Variants in PDSS2 observed in about 807,000 individuals in gnomAD.
The protein encoded by PDSS2 is all trans-polyprenyl-diphosphate synthase PDSS2.
Under a neutral mutation model 44.5 loss-of-function variants are expected in PDSS2, and 31 were observed. The observed-to-expected ratio is 0.70, with a 90% CI of 0.52 to 0.94. PDSS2 has a LOEUF of 0.94. PDSS2 is among the 40% of genes least tolerant of loss of function. The pLI, the probability that PDSS2 is intolerant of heterozygous loss-of-function variation, is 0.00. For missense variants in PDSS2, 452 were observed against 482.2 expected (o/e 0.94, Z 0.59); for synonymous variants, 157 against 180.3 (o/e 0.87, Z 1.03).
intron 7 of PDSS2, among the ~76,000 whole-genome samples, chr6:107,190,570 G>T (rs1772337050): frequency 6.6e-6 from 1 of 152,194 alleles, no homozygotes; most frequent in African/African-American, 2.4e-5. Flanking sequence ...CAGTGACTGA[G>T]AAATGCACAG....
At position 107,459,303 on chromosome 6, in the gene PDSS2, G is replaced by A. The variant is rs764983666; in HGVS notation, c.-18C>T. ...AAGTTCATGGTTTGAGTCTGGAAGG[G>A]TCTGGGACCTGGGGGTATCCAGAAG... is the stretch of plus-strand genomic sequence containing the variant. On this transcript the variant is annotated 5_prime_UTR_variant, in exon 1 of 8. Transcript: ENST00000369037. The surrounding 1 kb of genome is among the most constrained non-coding windows in gnomAD (Gnocchi z 4.3). 1 of 1,612,148 alleles carries A rather than the reference G, an allele frequency of 6.2e-7. No homozygotes were observed.
intron 7 of PDSS2, among the ~76,000 whole-genome samples, chr6:107,169,078 A>G (rs1285444149): frequency 2.6e-5 from 4 of 151,946 alleles, no homozygotes; most frequent in African/African-American, 9.6e-5. Flanking sequence ...GTGTTTTCCA[A>G]CTTGGTTCCA....
chr6:107,374,068 A>G (rs555653166), intron 1 of PDSS2, among the ~76,000 whole-genome samples: 106 of 152,198 alleles, frequency 7.0e-4, no homozygotes, highest in Non-Finnish European at 1.3e-3. Flanking sequence ...CAGCCTGGTC[A>G]ATATGGTGAA....
At chr6:107,172,808 G>A (rs1771628798) in intron 7 of PDSS2, among the ~76,000 whole-genome samples, 1 of 150,128 alleles carries the variant, frequency 6.7e-6, no homozygotes, top group Non-Finnish European at 1.5e-5. Context: ...TTAAAATGTG[G>A]CCACTTGGCT....
chr6:107,286,323 C>T (rs1562435858), intron 2 of PDSS2, among the ~76,000 whole-genome samples: 1 of 151,244 alleles, frequency 6.6e-6, no homozygotes, highest in Non-Finnish European at 1.5e-5. Flanking sequence ...GCCTGGCCAA[C>T]ATGGTGAAAC....
At chr6:107,388,184 T>G (rs1317946749) in intron 1 of PDSS2, among the ~76,000 whole-genome samples, 1 of 152,130 alleles carries the variant, frequency 6.6e-6, no homozygotes, top group African/African-American at 2.4e-5. Context: ...GTATACTTAG[T>G]AGAGCATAAG....
At chr6:107,319,044 T>TAC (rs1184247602) in intron 2 of PDSS2, among the ~76,000 whole-genome samples, 2 of 150,430 alleles carry the variant, frequency 1.3e-5, no homozygotes, top group South Asian at 2.1e-4. Context: ...ACACACACAC[T>TAC]ACACACACAC....
chr6:107,190,984 T>G (rs530161645), intron 7 of PDSS2, among the ~76,000 whole-genome samples: 1 of 152,020 alleles, frequency 6.6e-6, no homozygotes, highest in South Asian at 2.1e-4. Context: ...CTCCGCCTCC[T>G]GGGTTCACAC....
At chr6:107,294,636 C>T (rs1449236130) in intron 2 of PDSS2, among the ~76,000 whole-genome samples, 1 of 152,082 alleles carries the variant, frequency 6.6e-6, no homozygotes, top group African/African-American at 2.4e-5. Flanking sequence ...CATACTATGT[C>T]CCAGATATTC....
intron 1 of PDSS2, among the ~76,000 whole-genome samples, chr6:107,440,755 A>G (rs1198033619): frequency 6.6e-6 from 1 of 152,244 alleles, no homozygotes; most frequent in East Asian, 1.9e-4. Flanking sequence ...CAAAGAGAGT[A>G]TCTGAATACT....
At chr6:107,163,737 G>A (rs1380590665) in intron 7 of PDSS2, among the ~76,000 whole-genome samples, 2 of 151,936 alleles carry the variant, frequency 1.3e-5, no homozygotes, top group Non-Finnish European at 2.9e-5. Context: ...TGGGTAGGTG[G>A]GATTACAGGT....
intron 1 of PDSS2, among the ~76,000 whole-genome samples, chr6:107,350,913 A>AT (rs1316001607): frequency 1.3e-5 from 2 of 152,220 alleles, no homozygotes; most frequent in Non-Finnish European, 2.9e-5. Flanking sequence ...TTAGTGAAAT[A>AT]ATAAAGGCCA....
chr6:107,193,506 A>G (rs1772451200), intron 7 of PDSS2, among the ~76,000 whole-genome samples: 1 of 152,090 alleles, frequency 6.6e-6, no homozygotes, highest in African/African-American at 2.4e-5. Context: ...GACACTTGAC[A>G]TTATTTATTT....
intron 1 of PDSS2, 62 bp from the exon 2 acceptor site, chr6:107,334,394 GA>G: frequency 6.8e-7 from 1 of 1,473,556 alleles, no homozygotes; most frequent in Non-Finnish European, 9.5e-7. Context: ...AGATAACTTA[GA>G]AAACTGCTAC....
intron 7 of PDSS2, among the ~76,000 whole-genome samples, chr6:107,187,542 A>G (rs1157509717): frequency 1.3e-5 from 2 of 152,054 alleles, no homozygotes; most frequent in African/African-American, 4.8e-5. Flanking sequence ...GCGCATGCCT[A>G]TAATCCCAGC....
chr6:107,235,718 C>G (rs1287826365), intron 4 of PDSS2, among the ~76,000 whole-genome samples: 3 of 152,100 alleles, frequency 2.0e-5, no homozygotes, highest in Non-Finnish European at 1.5e-5. Context: ...AGAAAAAAAT[C>G]AGTCAATTGA....
At chr6:107,307,276 A>C (rs1302743368) in intron 2 of PDSS2, among the ~76,000 whole-genome samples, 1 of 152,214 alleles carries the variant, frequency 6.6e-6, no homozygotes, top group Admixed American at 6.5e-5. Flanking sequence ...AAGGACCTTA[A>C]AGCCTGGCAT....
At chr6:107,443,164 T>C (rs1781560904) in intron 1 of PDSS2, among the ~76,000 whole-genome samples, 1 of 152,164 alleles carries the variant, frequency 6.6e-6, no homozygotes, top group Non-Finnish European at 1.5e-5. Flanking sequence ...AAAGAAGAAA[T>C]GAATAAACCA....
chr6:107,343,342 C>T (rs961880657), intron 1 of PDSS2, among the ~76,000 whole-genome samples: 4 of 152,090 alleles, frequency 2.6e-5, no homozygotes, highest in African/African-American at 9.7e-5. Flanking sequence ...CAAAGAACTA[C>T]AGGAATACTC....
Sources: allele counts gnomAD v4.1 joint callset (sites outside exome capture counted in the v4.1 genomes callset), GRCh38; gene constraint gnomAD v4.1.1; non-coding constraint Gnocchi (gnomAD v3.1); transcripts MANE v1.5; gene names NCBI Gene and HGNC (gene_info 2026-07-23, HGNC 2026-07-21).